The following TENM3 variants were observed in gnomAD, a reference collection of about 807,000 sequenced individuals.
TENM3 encodes the protein teneurin-3.
In TENM3, 63 loss-of-function variants were observed where a neutral mutation model predicts 255.1. That is an observed-to-expected ratio of 0.25 (90% confidence interval 0.20 to 0.30). TENM3 has a LOEUF of 0.30. Ranked by LOEUF, TENM3 falls within the 10% of genes least tolerant of loss-of-function variation. The probability of loss-of-function intolerance (pLI) is 1.00; values close to 1 mark genes in which losing one functional copy is unlikely to be tolerated. For missense variants in TENM3, 2,929 were observed against 3,461.1 expected (o/e 0.85, Z 3.86); for synonymous variants, 1,306 against 1,322.3 (o/e 0.99, Z 0.27).
At chr4:182,160,910 T>C (rs1751102947) in intron 1 of TENM3, among the ~76,000 whole-genome samples, 1 of 113,260 alleles carries the variant, frequency 8.8e-6, no homozygotes, top group Non-Finnish European at 2.1e-5. Flanking sequence ...AATGTATACA[T>C]GTGGATTGAG....
the TENM3 span, among the ~76,000 whole-genome samples, chr4:181,726,797 T>C: frequency 6.6e-6 from 1 of 152,154 alleles, no homozygotes; most frequent in African/African-American, 2.4e-5. Context: ...CACTTCCAAA[T>C]TTCTGATGAC....
intron 3 of TENM3, among the ~76,000 whole-genome samples, chr4:182,448,039 CT>C (rs1423880852): frequency 1.3e-5 from 2 of 152,262 alleles, no homozygotes; most frequent in African/African-American, 2.4e-5. Context: ...ACCACATGAG[CT>C]ATTCCGGATC....
At chr4:181,489,080 G>A in the TENM3 span, among the ~76,000 whole-genome samples, 2 of 152,074 alleles carry the variant, frequency 1.3e-5, no homozygotes, top group African/African-American at 4.8e-5. Flanking sequence ...AAATTGGCAG[G>A]GTGCTGAGAA....
the TENM3 span, among the ~76,000 whole-genome samples, chr4:181,982,960 C>A: frequency 6.6e-6 from 1 of 152,050 alleles, no homozygotes; most frequent in African/African-American, 2.4e-5. Context: ...TGAGGTGATA[C>A]CAAGAAACTA....
chr4:182,624,884 C>A (rs1750675321), intron 4 of TENM3, among the ~76,000 whole-genome samples: 2 of 152,132 alleles, frequency 1.3e-5, no homozygotes, highest in Non-Finnish European at 2.9e-5. Context: ...ATAACAAGAT[C>A]ACTGATTGTA....
At chr4:181,946,163 C>T in the TENM3 span, among the ~76,000 whole-genome samples, 1 of 152,134 alleles carries the variant, frequency 6.6e-6, no homozygotes, top group Non-Finnish European at 1.5e-5. Context: ...CTCATACACA[C>T]ATGAATATAT....
the TENM3 span, among the ~76,000 whole-genome samples, chr4:181,526,083 T>G: frequency 0.13 from 19,957 of 152,194 alleles, 1,404 homozygotes; most frequent in East Asian, 0.2. Context: ...ACTCTAACAA[T>G]TTCAAGGAAA....
Position 182,775,010 on chromosome 4 carries a change from C to A in TENM3, c.5161C>A (p.His1721Asn), listed in dbSNP as rs748687429. The change falls in exon 24 of 28, where the codon CAC becomes AAC. Residue 1721 changes from histidine to asparagine, a missense_variant. By Grantham distance (68) the His-to-Asn change is moderately conservative. Coordinates refer to ENST00000511685, the MANE Select transcript of TENM3 (RefSeq NM_001080477.4). ...GGACTCACACTACCAAACAGAGCCG[C>A]ACGTTCTGGCTGGCACCGCTAATCC... ...GLDSHYQTEP[H>N]VLAGTANPTV... 6.2e-7 allele frequency: 1 copy of A among 1,613,986 alleles called. No homozygotes were observed. Among genetic ancestry groups the A allele is most frequent in the Admixed American group, 1.7e-5 (1 of 60,012 alleles).
chr4:181,943,121 G>A, the TENM3 span, among the ~76,000 whole-genome samples: 1 of 152,114 alleles, frequency 6.6e-6, no homozygotes, highest in Admixed American at 6.5e-5. Context: ...GCAAAGGAAG[G>A]GTTTTGGTAT....
intron 3 of TENM3, among the ~76,000 whole-genome samples, chr4:182,370,756 T>C (rs1766749279): frequency 6.6e-6 from 1 of 152,236 alleles, no homozygotes; most frequent in Non-Finnish European, 1.5e-5. Flanking sequence ...GTGAGAATAT[T>C]CATGCGATTA....
the TENM3 span, among the ~76,000 whole-genome samples, chr4:181,556,403 TACA>T: frequency 6.6e-6 from 1 of 152,174 alleles, no homozygotes. Context: ...ATATCAATTT[TACA>T]ACATTAGTTT....
the TENM3 span, among the ~76,000 whole-genome samples, chr4:182,030,481 A>G: frequency 7.0e-4 from 107 of 152,282 alleles, no homozygotes; most frequent in African/African-American, 2.2e-3. Context: ...CCAGTCTATC[A>G]TTGATGGACA....
Position 182,234,033 on chromosome 4 carries a change from C to A in TENM3, c.-76+89279C>A, listed in dbSNP as rs1579829563. Among the ~76,000 whole-genome samples the A allele has an allele frequency of 2.0e-5, 3 of 152,236 alleles. No homozygotes were observed. In the East Asian group the frequency reaches 5.8e-4, roughly 29 times the overall value. On this transcript the variant is annotated intron_variant, in intron 1 of 2. Coordinates refer to the TENM3 transcript ENST00000512480. ...CACGAGTGGTTGATTCCTTTATCGG[C>A]CTTAGTAGCCATAGGAGCAGAGCTG...
chr4:181,574,307 G>A, the TENM3 span, among the ~76,000 whole-genome samples: 1 of 151,986 alleles, frequency 6.6e-6, no homozygotes. Flanking sequence ...CGAGGCGGGT[G>A]GATCATGAGG....
At chr4:182,451,384 T>G (rs992893514) in intron 3 of TENM3, among the ~76,000 whole-genome samples, 1 of 152,186 alleles carries the variant, frequency 6.6e-6, no homozygotes, top group Non-Finnish European at 1.5e-5. Context: ...TGTCTAAACA[T>G]TTAAACTAAA....
the TENM3 span, among the ~76,000 whole-genome samples, chr4:181,696,898 C>T: frequency 1.3e-4 from 20 of 152,082 alleles, no homozygotes; most frequent in Non-Finnish European, 2.6e-4. Flanking sequence ...CGTCAGAGCA[C>T]GGGGTCCTGG....
At chr4:182,162,932 C>G (rs949897987) in intron 1 of TENM3, among the ~76,000 whole-genome samples, 5 of 152,128 alleles carry the variant, frequency 3.3e-5, no homozygotes, top group Non-Finnish European at 7.4e-5. Flanking sequence ...CGGAGGGACA[C>G]AAATAATCAA....
At chr4:182,702,131 T>C (rs550379237) in intron 12 of TENM3, among the ~76,000 whole-genome samples, 65 of 152,306 alleles carry the variant, frequency 4.3e-4, no homozygotes, top group South Asian at 4.1e-3. Flanking sequence ...GCAGAAAATA[T>C]ATAAGGGCAA....
At chr4:181,454,301 A>T in the TENM3 span, among the ~76,000 whole-genome samples, 1 of 152,164 alleles carries the variant, frequency 6.6e-6, no homozygotes, top group Non-Finnish European at 1.5e-5. Flanking sequence ...TTTAATATAC[A>T]GTCATGTACC....
Sources: allele counts gnomAD v4.1 joint callset (sites outside exome capture counted in the v4.1 genomes callset), GRCh38; gene constraint gnomAD v4.1.1; transcripts MANE v1.5; gene names NCBI Gene and HGNC (gene_info 2026-07-23, HGNC 2026-07-21).